RIMBP2: variants seen among roughly 807,000 people sequenced by gnomAD.
RIMBP2 encodes RIMS-binding protein 2.
Under a neutral mutation model 118.6 loss-of-function variants are expected in RIMBP2, and 48 were observed. That is an observed-to-expected ratio of 0.40 (90% CI 0.32 to 0.51). RIMBP2 has a LOEUF of 0.51. RIMBP2 is among the 20% of genes least tolerant of loss of function. RIMBP2 has a pLI of 0.41. For synonymous variants in RIMBP2, 762 were observed against 742.9 expected, an observed-to-expected ratio of 1.03 and a Z score of -0.42; for missense variants, 1,551 against 1,768.3, an observed-to-expected ratio of 0.88 and a Z score of 2.20.
At chr12:130,474,567 G>C (rs2081277355) in intron 5 of RIMBP2, among the ~76,000 whole-genome samples, 1 of 152,224 alleles carries the variant, frequency 6.6e-6, no homozygotes, top group African/African-American at 2.4e-5. Flanking sequence ...CAGTAAATGG[G>C]GCGACATGCC....
chr12:130,656,068 C>T (rs543973011), intron 1 of RIMBP2, among the ~76,000 whole-genome samples: 3 of 152,168 alleles, frequency 2.0e-5, no homozygotes, highest in East Asian at 3.9e-4. Flanking sequence ...GCTGGGGACA[C>T]GGTGGAGGGT....
At chr12:130,690,743 G>A (rs949933690) in intron 1 of RIMBP2, among the ~76,000 whole-genome samples, 3 of 152,164 alleles carry the variant, frequency 2.0e-5, no homozygotes, top group Non-Finnish European at 4.4e-5. Context: ...AATGACAAAA[G>A]GTCTGAGATT....
intron 2 of RIMBP2, among the ~76,000 whole-genome samples, chr12:130,600,323 C>T (rs1453681816): frequency 1.3e-5 from 2 of 152,210 alleles, no homozygotes; most frequent in Non-Finnish European, 1.5e-5. Flanking sequence ...AATGACGTCT[C>T]CGACCAGAAA....
intron 1 of RIMBP2, among the ~76,000 whole-genome samples, chr12:130,698,914 G>A (rs1332449780): frequency 6.6e-6 from 1 of 152,024 alleles, no homozygotes; most frequent in Non-Finnish European, 1.5e-5. Context: ...TCAAAAAGTG[G>A]GTGAAGGACA....
At chr12:130,584,692 C>CATCATCACTATCACAACCATTAT (rs1205221497) in intron 2 of RIMBP2, among the ~76,000 whole-genome samples, 8 of 74,754 alleles carry the variant, frequency 1.1e-4, no homozygotes, top group African/African-American at 2.4e-4. Context: ...ACAACCATTA[C>CATCATCACTATCACAACCATTAT]ATCATCACTA....
At chr12:130,547,710 A>T (rs534727072) in intron 2 of RIMBP2, among the ~76,000 whole-genome samples, 2 of 152,182 alleles carry the variant, frequency 1.3e-5, no homozygotes, top group Non-Finnish European at 2.9e-5. Context: ...GCGATTCCCA[A>T]CTGGTTCTTC....
Position 130,434,863 on chromosome 12 carries a change from G to A in RIMBP2, c.2124C>T (p.Val708=). The A allele has an allele frequency of 6.2e-7, 1 of 1,607,652 alleles. No homozygotes were observed. The highest frequency in any genetic ancestry group is 1.1e-5 in the South Asian group (1 of 90,312). ...AESSRLEKRS[V]FLERSSAGQY... The stretch of plus-strand genomic sequence containing the variant: ...GCCCCGCGCTGCTTCTCTCTAGGAA[G>A]ACGCTCCTTTTCTCTAACTTGGAAA... Residue 708 remains valine (V), a synonymous_variant, in exon 14 of 23, where the codon GTC becomes GTT. Transcript: ENST00000690449. The surrounding 1 kb of genome is among the most constrained non-coding windows in gnomAD (Gnocchi z 5.7).
intron 5 of RIMBP2, among the ~76,000 whole-genome samples, chr12:130,474,463 G>A (rs905832404): frequency 6.6e-6 from 1 of 152,196 alleles, no homozygotes; most frequent in African/African-American, 2.4e-5. Context: ...GATGTCCTAC[G>A]AGTCCGACGC....
rs1236135608 is a variant in RIMBP2, at chr12:130,434,649, A to T, written c.2253+85T>A. On this transcript the variant is annotated intron_variant, in intron 14 of 22. Coordinates refer to ENST00000690449, the MANE Select transcript of RIMBP2 (RefSeq NM_001393629.1). The surrounding 1 kb of genome is among the most constrained non-coding windows in gnomAD (Gnocchi z 5.7). ...TCAGGGACCCAAGGGTAGCGGGGAA[A>T]GTGCCCATGTCTCTTGATCTCCACG... 24 of 1,396,568 alleles carry T rather than the reference A, an allele frequency of 1.7e-5. No individual in the cohort carries two copies. Among genetic ancestry groups the T allele is most frequent in the Non-Finnish European group, 2.3e-5 (24 of 1,048,548 alleles). 86.5% of individuals were successfully genotyped at this position (1,396,568 alleles called of 1,614,324 possible).
intron 20 of RIMBP2, among the ~76,000 whole-genome samples, chr12:130,406,725 C>T (rs1315920275): frequency 6.6e-6 from 1 of 152,232 alleles, no homozygotes; most frequent in African/African-American, 2.4e-5. Flanking sequence ...CGGCCCACTG[C>T]AACCTCTGCC....
rs2076328764 is a variant in RIMBP2, at chr12:130,420,182, C to G, written c.3238+2271G>C. On this transcript the variant is annotated intron_variant, in intron 17 of 22. Transcript: ENST00000690449. This position sits in a 1 kb window ranked among gnomAD's most constrained non-coding sequence, Gnocchi z 4.3. The stretch of plus-strand genomic sequence containing the variant: ...TCCCAAAGCTCTTTGCCGAGTCCTC[C>G]TCCTCCTCAGGTGGGTGATAAGCAC... Among the ~76,000 whole-genome samples the G allele has an allele frequency of 6.6e-6, 1 of 152,168 alleles. No homozygotes were observed. Among genetic ancestry groups the G allele is most frequent in the African/African-American group, 2.4e-5 (1 of 41,434 alleles).
intron 2 of RIMBP2, among the ~76,000 whole-genome samples, chr12:130,572,363 C>T (rs1190126997): frequency 6.6e-6 from 1 of 152,170 alleles, no homozygotes; most frequent in African/African-American, 2.4e-5. Flanking sequence ...ACCCCCGCAA[C>T]CAGCAGTCAC....
intron 2 of RIMBP2, among the ~76,000 whole-genome samples, chr12:130,614,440 C>T (rs1414756414): frequency 6.6e-6 from 1 of 152,168 alleles, no homozygotes; most frequent in Non-Finnish European, 1.5e-5. Context: ...AGAGCAGTAA[C>T]AGACAGCGCT....
chr12:130,491,235 C>T (rs899483958), intron 4 of RIMBP2, among the ~76,000 whole-genome samples: 2 of 152,148 alleles, frequency 1.3e-5, no homozygotes, highest in Admixed American at 6.5e-5. Flanking sequence ...TATTTTTATT[C>T]CCATTTACAG....
chr12:130,563,840 C>T (rs533006857), intron 2 of RIMBP2, among the ~76,000 whole-genome samples: 2 of 152,318 alleles, frequency 1.3e-5, no homozygotes, highest in African/African-American at 4.8e-5. Context: ...AGTCAGCTTG[C>T]ATCATTCTTC....
intron 1 of RIMBP2, among the ~76,000 whole-genome samples, chr12:130,709,047 A>C (rs1442132104): frequency 6.6e-6 from 1 of 152,254 alleles, no homozygotes; most frequent in East Asian, 1.9e-4. Flanking sequence ...TGTGTCATGC[A>C]TGTAACCGAG....
chr12:130,681,808 C>A (rs1186866534), intron 1 of RIMBP2, among the ~76,000 whole-genome samples: 1 of 152,164 alleles, frequency 6.6e-6, no homozygotes, highest in Non-Finnish European at 1.5e-5. Flanking sequence ...GATTCTCCTG[C>A]CGCAGCCTCC....
intron 2 of RIMBP2, among the ~76,000 whole-genome samples, chr12:130,596,847 A>G (rs7303480): frequency 0.12 from 18,905 of 152,250 alleles, 1,531 homozygotes; most frequent in Non-Finnish European, 0.19. Context: ...AATAACTCAC[A>G]TTAAATGGAT....
chr12:130,406,974 C>T (rs898535964), intron 20 of RIMBP2, among the ~76,000 whole-genome samples: 2 of 152,200 alleles, frequency 1.3e-5, no homozygotes, highest in East Asian at 1.9e-4. Flanking sequence ...TACGATGGGC[C>T]GGGCTGCAGC....
Sources: allele counts gnomAD v4.1 joint callset (sites outside exome capture counted in the v4.1 genomes callset), GRCh38; gene constraint gnomAD v4.1.1; non-coding constraint Gnocchi (gnomAD v3.1); transcripts MANE v1.5; gene names NCBI Gene and HGNC (gene_info 2026-07-23, HGNC 2026-07-21).